HPSE2: variants seen among roughly 807,000 people sequenced by gnomAD.
HPSE2 encodes the protein heparanase 2 (inactive).
In HPSE2, 38 loss-of-function variants were observed where a neutral mutation model predicts 60.5. The ratio of observed to expected loss-of-function variants is 0.63; its 90% CI spans 0.48 to 0.82. HPSE2 has a LOEUF of 0.82. Ranked by LOEUF, HPSE2 falls within the 40% of genes least tolerant of loss-of-function variation. The pLI is 0.00. For synonymous variants in HPSE2, 295 were observed against 293.2 expected (o/e 1.01, Z -0.06); for missense variants, 713 against 740.4 (o/e 0.96, Z 0.43).
Position 99,013,396 on chromosome 10 carries a change from G to T in HPSE2, c.610+130842C>A, listed in dbSNP as rs994503548. ...ACTATACAGACTCTGTGTTAGTATA[G>T]TAAGTGTTTCAGGAAGAACGAAGAG... is the stretch of plus-strand genomic sequence containing the variant. On this transcript the variant is annotated intron_variant, in intron 3 of 11. Coordinates refer to ENST00000370552, the MANE Select transcript of HPSE2 (RefSeq NM_021828.5). 4.9e-5 allele frequency: 27 copies of T among 549,130 alleles called. No homozygotes were observed. In the Admixed American group the frequency reaches 6.3e-4, roughly 13 times the overall value. The allele number at this position is 549,130 out of a possible 1,614,324, so 34.0% of individuals were successfully genotyped here.
chr10:99,186,184 CACAG>C (rs963059047), intron 2 of HPSE2, among the ~76,000 whole-genome samples: 4 of 143,316 alleles, frequency 2.8e-5, no homozygotes, highest in Admixed American at 7.0e-5. Flanking sequence ...TGCTAAAAAC[CACAG>C]ACAAAGAGAA....
chr10:99,078,234 T>C (rs1272858154), intron 3 of HPSE2, among the ~76,000 whole-genome samples: 1 of 152,198 alleles, frequency 6.6e-6, no homozygotes, highest in Non-Finnish European at 1.5e-5. Context: ...AACACAATCA[T>C]CATTATGATT....
chr10:98,651,627 T>C (rs568536372), intron 6 of HPSE2, among the ~76,000 whole-genome samples: 5 of 152,264 alleles, frequency 3.3e-5, no homozygotes, highest in Admixed American at 1.3e-4. Context: ...AAAAAGAGTC[T>C]GAGAATTAGG....
intron 6 of HPSE2, among the ~76,000 whole-genome samples, chr10:98,669,854 TGTGCACAG>T (rs891120569): frequency 1.6e-4 from 25 of 152,008 alleles, no homozygotes; most frequent in African/African-American, 6.0e-4. Context: ...ATGTAACAAA[TGTGCACAG>T]GTGCCCCCTG....
intron 3 of HPSE2, among the ~76,000 whole-genome samples, chr10:98,952,073 T>C (rs910856699): frequency 2.6e-5 from 4 of 152,210 alleles, no homozygotes; most frequent in South Asian, 2.1e-4. Flanking sequence ...GAATTGCTGT[T>C]CTTAGGTATA....
chr10:98,525,024 T>C (rs139901087), intron 9 of HPSE2, among the ~76,000 whole-genome samples: 33 of 152,352 alleles, frequency 2.2e-4, no homozygotes, highest in African/African-American at 7.9e-4. Context: ...CATTTATTTA[T>C]TTACAGATAG....
chr10:98,556,823 G>A (rs762982018), intron 9 of HPSE2, among the ~76,000 whole-genome samples: 1 of 151,766 alleles, frequency 6.6e-6, no homozygotes, highest in African/African-American at 2.4e-5. Flanking sequence ...AAATTTATAC[G>A]GCAATGCCAA....
At chr10:98,960,720 T>TTG (rs1955643305) in intron 3 of HPSE2, among the ~76,000 whole-genome samples, 2 of 69,776 alleles carry the variant, frequency 2.9e-5, no homozygotes, top group Non-Finnish European at 6.8e-5. Context: ...TTTTTTTTTT[T>TTG]GTTTTATTTT....
chr10:98,525,919 G>A (rs184641880), intron 9 of HPSE2, among the ~76,000 whole-genome samples: 36 of 152,274 alleles, frequency 2.4e-4, no homozygotes, highest in East Asian at 1.5e-3. Flanking sequence ...TAACAGCACC[G>A]ATCCTGTATA....
At chr10:98,876,492 T>A (rs1056232590) in intron 3 of HPSE2, among the ~76,000 whole-genome samples, 2 of 151,914 alleles carry the variant, frequency 1.3e-5, no homozygotes, top group African/African-American at 4.8e-5. Flanking sequence ...AAATATTTGT[T>A]GAATGATGAA....
chr10:98,612,916 A>T (rs1042289652), intron 9 of HPSE2, among the ~76,000 whole-genome samples: 3 of 151,382 alleles, frequency 2.0e-5, no homozygotes, highest in African/African-American at 7.3e-5. Context: ...CTCATTTCCA[A>T]CCTCTCCCCC....
At chr10:98,984,014 C>A (rs1013284155) in intron 3 of HPSE2, among the ~76,000 whole-genome samples, 2 of 152,214 alleles carry the variant, frequency 1.3e-5, no homozygotes, top group African/African-American at 4.8e-5. Flanking sequence ...CTGGGTGGAG[C>A]CCACGGCAGC....
chr10:98,555,477 T>G (rs1943980054), intron 9 of HPSE2, among the ~76,000 whole-genome samples: 1 of 152,202 alleles, frequency 6.6e-6, no homozygotes, highest in Non-Finnish European at 1.5e-5. Flanking sequence ...TAAGCTCCCC[T>G]TTGAGGGCTG....
intron 2 of HPSE2, among the ~76,000 whole-genome samples, chr10:99,169,504 C>CAAAAAAAAAAAAAAAAAA (rs562946052): frequency 1.8e-5 from 1 of 54,734 alleles, no homozygotes; most frequent in Admixed American, 3.5e-4. Flanking sequence ...GACTCCGTCT[C>CAAAAAAAAAAAAAAAAAA]AAAAAAAAAA....
At chr10:98,660,965 G>C (rs941347159) in intron 6 of HPSE2, among the ~76,000 whole-genome samples, 2 of 152,188 alleles carry the variant, frequency 1.3e-5, no homozygotes, top group African/African-American at 4.8e-5. Flanking sequence ...AGAGGGAGTA[G>C]GCTGAATTGG....
chr10:98,585,907 G>A (rs1158443813), intron 9 of HPSE2, among the ~76,000 whole-genome samples: 4 of 143,838 alleles, frequency 2.8e-5, no homozygotes, highest in Admixed American at 7.1e-5. Flanking sequence ...AGCTGAGATT[G>A]CCCCATTACA....
At chr10:98,548,364 C>T (rs1322340386) in intron 9 of HPSE2, among the ~76,000 whole-genome samples, 1 of 152,138 alleles carries the variant, frequency 6.6e-6, no homozygotes, top group African/African-American at 2.4e-5. Context: ...CGCCTGTAAT[C>T]CCAGCACTTT....
chr10:98,723,848 T>G (rs1036103786), intron 4 of HPSE2, among the ~76,000 whole-genome samples: 8 of 152,300 alleles, frequency 5.3e-5, no homozygotes, highest in African/African-American at 1.9e-4. Flanking sequence ...ATTTGATTCT[T>G]CTCTCTTTTC....
At chr10:99,169,828 C>A (rs1847240385) in intron 2 of HPSE2, among the ~76,000 whole-genome samples, 1 of 152,028 alleles carries the variant, frequency 6.6e-6, no homozygotes, top group East Asian at 1.9e-4. Flanking sequence ...CTATAAAGAG[C>A]CAAACAGAAA....
Sources: allele counts gnomAD v4.1 joint callset (sites outside exome capture counted in the v4.1 genomes callset), GRCh38; gene constraint gnomAD v4.1.1; transcripts MANE v1.5; gene names NCBI Gene and HGNC (gene_info 2026-07-23, HGNC 2026-07-21).